ZNF609: variants seen among roughly 807,000 people sequenced by gnomAD.
ZNF609 encodes zinc finger protein 609.
In ZNF609, 11 loss-of-function variants were observed where a neutral mutation model predicts 109.5. That is an observed-to-expected ratio of 0.10 (90% confidence interval 0.06 to 0.17). The LOEUF is 0.17. ZNF609 is among the 10% of genes least tolerant of loss of function. The probability of loss-of-function intolerance (pLI) is 1.00; values close to 1 mark genes in which losing one functional copy is unlikely to be tolerated. For synonymous variants in ZNF609, 646 were observed against 662.0 expected (o/e 0.98, Z 0.37); for missense variants, 1,559 against 1,772.4 (o/e 0.88, Z 2.16).
At chr15:64,583,028 G>A (rs1000598562) in intron 2 of ZNF609, among the ~76,000 whole-genome samples, 4 of 151,084 alleles carry the variant, frequency 2.6e-5, no homozygotes, top group African/African-American at 9.7e-5. Context: ...TGGGATTACA[G>A]GCATGAGCCA....
chr15:64,567,914 GC>G (rs1894803794), intron 2 of ZNF609, among the ~76,000 whole-genome samples: 1 of 151,946 alleles, frequency 6.6e-6, no homozygotes, highest in South Asian at 2.1e-4. Flanking sequence ...GCCCACCTCA[GC>G]CTCCCAAAGT....
intron 2 of ZNF609, among the ~76,000 whole-genome samples, chr15:64,620,581 A>T (rs569175921): frequency 6.6e-6 from 1 of 152,360 alleles, no homozygotes; most frequent in Non-Finnish European, 1.5e-5. Context: ...ATAAATGTAG[A>T]TGATTCATTA....
At chr15:64,490,553 C>A (rs1305165424) in intron 1 of ZNF609, among the ~76,000 whole-genome samples, 2 of 152,182 alleles carry the variant, frequency 1.3e-5, no homozygotes, top group Non-Finnish European at 2.9e-5. Context: ...GGATTACAGG[C>A]ATGAGCCACC....
chr15:64,547,934 T>G (rs1025176932), intron 2 of ZNF609, among the ~76,000 whole-genome samples: 3 of 152,152 alleles, frequency 2.0e-5, no homozygotes, highest in Non-Finnish European at 2.9e-5. Flanking sequence ...TGTAGATTAC[T>G]TTTTGATTAA....
chr15:64,518,768 T>G (rs1336564046), intron 2 of ZNF609, among the ~76,000 whole-genome samples: 1 of 151,962 alleles, frequency 6.6e-6, no homozygotes, highest in Non-Finnish European at 1.5e-5. Context: ...GGGAAGAGAT[T>G]GAAGAAGAAG....
intron 3 of ZNF609, among the ~76,000 whole-genome samples, chr15:64,628,761 G>A (rs1567033848): frequency 6.6e-6 from 1 of 152,066 alleles, no homozygotes; most frequent in Non-Finnish European, 1.5e-5. Flanking sequence ...AAGTAGCTGG[G>A]ATTACAGGCG....
chr15:64,586,143 G>A (rs2140431430), intron 2 of ZNF609, among the ~76,000 whole-genome samples: 1 of 152,182 alleles, frequency 6.6e-6, no homozygotes, highest in East Asian at 1.9e-4. Flanking sequence ...TAACCAACAT[G>A]GAGAAACCCT....
chr15:64,469,714 A>T (rs1281657981), intron 1 of ZNF609, among the ~76,000 whole-genome samples: 2 of 152,056 alleles, frequency 1.3e-5, no homozygotes, highest in Non-Finnish European at 2.9e-5. Context: ...CTTAAAACAT[A>T]GGAGTGGAAA....
intron 2 of ZNF609, among the ~76,000 whole-genome samples, chr15:64,538,136 TATCCTAGGATGTTC>T (rs1894186637): frequency 6.6e-6 from 1 of 151,774 alleles, no homozygotes; most frequent in South Asian, 2.1e-4. Context: ...AGAAAATGTA[TATCCTAGGATGTTC>T]TAGTTAGGTT....
chr15:64,572,502 C>T (rs1894874194), intron 2 of ZNF609, among the ~76,000 whole-genome samples: 1 of 152,176 alleles, frequency 6.6e-6, no homozygotes, highest in African/African-American at 2.4e-5. Flanking sequence ...GTCTCTCCCA[C>T]AATGGGATAT....
chr15:64,592,535 G>C (rs762647876), intron 2 of ZNF609, among the ~76,000 whole-genome samples: 1 of 152,056 alleles, frequency 6.6e-6, no homozygotes, highest in Non-Finnish European at 1.5e-5. Flanking sequence ...CTGGGATCTC[G>C]CCACTACACC....
intron 2 of ZNF609, among the ~76,000 whole-genome samples, chr15:64,533,887 T>G (rs1894097615): frequency 6.6e-6 from 1 of 152,232 alleles, no homozygotes; most frequent in South Asian, 2.1e-4. Flanking sequence ...TGCCTTGTTT[T>G]GCTTGTTCAT....
intron 2 of ZNF609, among the ~76,000 whole-genome samples, chr15:64,554,570 A>G (rs571635727): frequency 2.4e-4 from 37 of 152,216 alleles, no homozygotes; most frequent in African/African-American, 8.9e-4. Context: ...CTGAGGGGAG[A>G]TCAGTTGAGC....
chr15:64,685,231 G>C lies in ZNF609; in HGVS notation c.*3545G>C, dbSNP rs925291690. On this transcript the variant is annotated 3_prime_UTR_variant, in exon 10 of 10. Transcript: ENST00000326648. ...TTTTTGCCTTTGTACATTCAGGCAAGAAGAGAAAATAAATCTTTTTAAGAG... is the reference window on the plus strand; with the variant it reads ...TTTTTGCCTTTGTACATTCAGGCAACAAGAGAAAATAAATCTTTTTAAGAG... The C allele has an allele frequency of 6.6e-6, 1 of 152,048 alleles. No homozygotes were observed. The highest frequency in any genetic ancestry group is 2.4e-5 in the African/African-American group (1 of 41,252). The allele number at this position is 152,048 out of a possible 1,614,324, so 9.4% of individuals were successfully genotyped here.
intron 3 of ZNF609, among the ~76,000 whole-genome samples, chr15:64,648,667 G>A (rs1192468579): frequency 1.4e-5 from 2 of 146,024 alleles, no homozygotes; most frequent in Non-Finnish European, 3.0e-5. Context: ...AATTAAATAT[G>A]AGATAATATA....
intron 2 of ZNF609, among the ~76,000 whole-genome samples, chr15:64,545,743 G>C (rs1014764416): frequency 6.6e-6 from 1 of 152,122 alleles, no homozygotes; most frequent in Non-Finnish European, 1.5e-5. Context: ...TCTAGAATAT[G>C]TATAAGAGAA....
chr15:64,598,764 A>ATATATATATATATC (rs1895442332), intron 2 of ZNF609, among the ~76,000 whole-genome samples: 1 of 126,470 alleles, frequency 7.9e-6, no homozygotes, highest in African/African-American at 2.7e-5. Flanking sequence ...ATATATATAT[A>ATATATATATATATC]TATATATATA....
intron 3 of ZNF609, among the ~76,000 whole-genome samples, chr15:64,642,067 T>C (rs1896268549): frequency 6.6e-6 from 1 of 152,202 alleles, no homozygotes. Flanking sequence ...TGATTGGAGG[T>C]TCTGCCTACA....
chr15:64,560,982 A>G (rs113486757), intron 2 of ZNF609, among the ~76,000 whole-genome samples: 7 of 152,212 alleles, frequency 4.6e-5, no homozygotes, highest in Admixed American at 1.3e-4. Context: ...TAAAATCTAA[A>G]TTCTGTTACC....
Sources: gnomAD v4.1 joint callset for allele counts (sites outside exome capture counted in the v4.1 genomes callset) on GRCh38, gnomAD v4.1.1 for gene constraint, MANE v1.5 for transcripts, NCBI Gene and HGNC (gene_info 2026-07-23, HGNC 2026-07-21) for gene names.